The following PRIM2 variants were observed in gnomAD, a reference collection of about 807,000 sequenced individuals.
PRIM2 encodes DNA primase subunit 2.
A neutral mutation model predicts 67.3 loss-of-function variants in PRIM2; 39 were observed. That is an observed-to-expected ratio of 0.58 (90% CI 0.45 to 0.76). The LOEUF (loss-of-function observed/expected upper bound fraction) is 0.76, where lower values mean the gene tolerates loss of function less well. PRIM2 is among the 30% of genes least tolerant of loss of function. The pLI is 0.00. For synonymous variants in PRIM2, 143 were observed against 198.7 expected, an observed-to-expected ratio of 0.72 and a Z score of 2.36; for missense variants, 398 against 598.7, an observed-to-expected ratio of 0.66 and a Z score of 3.50.
At chr6:57,313,232 T>C (rs1767421077), upstream of PRIM2, among the ~76,000 whole-genome samples, 1 of 152,220 alleles carries the variant, frequency 6.6e-6, no homozygotes, top group Non-Finnish European at 1.5e-5. Context: ...AATTTCATTA[T>C]CTCCTTGAAA....
At chr6:57,324,123 C>T in intron 3 of PRIM2, 78 bp from the exon 4 acceptor site, 1 of 776,360 alleles carries the variant, frequency 1.3e-6, no homozygotes, top group African/African-American at 1.7e-5. Flanking sequence ...TTACCATTGG[C>T]TTAGGCTGGC....
rs543108787 is a variant in PRIM2 at position 57,447,442 on chromosome 6, A to G, written c.694-59945A>G. 8.5e-5 allele frequency among the ~76,000 whole-genome samples: 13 copies of G among 152,310 alleles called. No individual in the cohort carries two copies. In the South Asian group the frequency reaches 2.7e-3, roughly 32 times the overall value. ...GATCCTTCTGGTGCAAAGCTAAGAG[A>G]TGGGTATTAAGCTATTCCTGAAGAC... is the stretch of plus-strand genomic sequence containing the variant. On this transcript the variant is annotated intron_variant, in intron 7 of 13. Transcript: ENST00000615550.
intron 10 of PRIM2, among the ~76,000 whole-genome samples, chr6:57,538,016 G>GTT (rs1351821288): frequency 6.7e-4 from 99 of 147,378 alleles, no homozygotes; most frequent in East Asian, 5.0e-3. Flanking sequence ...ATAAACTTTT[G>GTT]TTTTTTTTTT....
intron 7 of PRIM2, among the ~76,000 whole-genome samples, chr6:57,385,733 T>C (rs887131810): frequency 1.3e-5 from 2 of 152,230 alleles, no homozygotes; most frequent in African/African-American, 4.8e-5. Context: ...TATCAGCAGT[T>C]ATTTTGTATC....
intron 7 of PRIM2, among the ~76,000 whole-genome samples, chr6:57,421,927 G>A (rs1301822591): frequency 6.6e-6 from 1 of 152,084 alleles, no homozygotes; most frequent in Non-Finnish European, 1.5e-5. Context: ...TAGAATAGAT[G>A]TAAGATACTA....
chr6:57,247,266 C>T, the PRIM2 span, among the ~76,000 whole-genome samples: 2 of 152,256 alleles, frequency 1.3e-5, no homozygotes, highest in South Asian at 2.1e-4. Context: ...GCCATAACAT[C>T]TAGGGGTGAC....
At chr6:57,372,481 C>T (rs1769597506) in intron 5 of PRIM2, among the ~76,000 whole-genome samples, 1 of 152,156 alleles carries the variant, frequency 6.6e-6, no homozygotes, top group Admixed American at 6.5e-5. Context: ...TTTCAGTCAT[C>T]ATCAACTTTT....
chr6:57,394,878 C>A lies in PRIM2; in HGVS notation c.693+12710C>A, dbSNP rs535641760. Among the ~76,000 whole-genome samples, 44 of 152,162 alleles carry A rather than the reference C, an allele frequency of 2.9e-4. No individual in the cohort carries two copies. The East Asian group carries it at 8.5e-3, about 29-fold the overall frequency. ...GGAGAGTTTTAATCATAAAGAGATGCTGAATTTTGTGGAATGCCTTTTCTG... is the reference window on the plus strand; with the variant it reads ...GGAGAGTTTTAATCATAAAGAGATGATGAATTTTGTGGAATGCCTTTTCTG... On this transcript the variant is annotated intron_variant, in intron 7 of 13. Transcript: ENST00000615550.
chr6:57,420,433 G>A lies in PRIM2; in HGVS notation c.693+38265G>A, dbSNP rs1771427180. Among the ~76,000 whole-genome samples, 3 of 152,262 alleles carry A rather than the reference G, an allele frequency of 2.0e-5. No individual in the cohort carries two copies. In the South Asian group the frequency reaches 6.2e-4, roughly 32 times the overall value. ...CAGGAGAATCCCTTGAACCCAGAAG[G>A]CGGAGGTTGCGGTGAGCTGAGATTG... On this transcript the variant is annotated intron_variant, in intron 7 of 13. Transcript: ENST00000615550.
Position 57,326,052 on chromosome 6 carries a change from A to G in PRIM2, c.459+7A>G, listed in dbSNP as rs749730988. The stretch of plus-strand genomic sequence containing the variant: ...CCAATTGCAGTTTGAGGCTGTAAGT[A>G]TATTTTTGTAGTTATTTCTAATTGT... On this transcript the variant is annotated splice_region_variant and intron_variant, in intron 5 of 13. Coordinates refer to ENST00000615550, the MANE Select transcript of PRIM2 (RefSeq NM_000947.5). The G allele has an allele frequency of 8.7e-6, 14 of 1,608,762 alleles. No individual in the cohort carries two copies. The highest frequency in any genetic ancestry group is 1.2e-5 in the Non-Finnish European group (14 of 1,178,292).
chr6:57,569,851 A>G (rs1485726095), intron 10 of PRIM2, among the ~76,000 whole-genome samples: 2 of 151,624 alleles, frequency 1.3e-5, no homozygotes, highest in East Asian at 1.9e-4. Context: ...GGTTCAGGCT[A>G]TTCTGCCTTA....
intron 5 of PRIM2, among the ~76,000 whole-genome samples, chr6:57,376,627 C>T (rs564587511): frequency 6.6e-6 from 1 of 152,116 alleles, no homozygotes; most frequent in Non-Finnish European, 1.5e-5. Flanking sequence ...TGTATTGAAT[C>T]TATAGGTTAA....
At chr6:57,450,691 G>A (rs1189990739) in intron 7 of PRIM2, among the ~76,000 whole-genome samples, 1 of 152,190 alleles carries the variant, frequency 6.6e-6, no homozygotes, top group African/African-American at 2.4e-5. Context: ...GCGATATGAA[G>A]CATGAATGCA....
At chr6:57,222,155 C>CT in the PRIM2 span, 1 of 152,254 alleles carries the variant, frequency 6.6e-6, no homozygotes, top group Admixed American at 6.5e-5. Context: ...TTCGCACCCT[C>CT]TTTCGCTCTC....
chr6:57,568,439 G>T (rs1775791850), intron 10 of PRIM2, among the ~76,000 whole-genome samples: 1 of 152,034 alleles, frequency 6.6e-6, no homozygotes, highest in South Asian at 2.1e-4. Context: ...AGGCTTCTGT[G>T]TCAATATTTT....
chr6:57,645,422 A>G (rs1723205419), intron 13 of PRIM2, among the ~76,000 whole-genome samples: 1 of 150,998 alleles, frequency 6.6e-6, no homozygotes, highest in African/African-American at 2.5e-5. Context: ...GTTTTGACGT[A>G]ATTGTCAACC....
Position 57,325,937 on chromosome 6 carries a change from A to T in PRIM2, c.351A>T (p.Arg117Ser), listed in dbSNP as rs1767835450. The T allele has an allele frequency of 6.2e-7, 1 of 1,601,502 alleles. No individual in the cohort carries two copies. Among genetic ancestry groups the T allele is most frequent in the African/African-American group, 1.3e-5 (1 of 74,702 alleles). ...RLAYCQSEEL[R>S]RWFIQQEMDL... Reference sequence around the variant, plus strand: ...GTCTTCATTTCAGTGAAGAACTTAGACGCTGGTTCATTCAACAAGAAATGG... The same window carrying T: ...GTCTTCATTTCAGTGAAGAACTTAGTCGCTGGTTCATTCAACAAGAAATGG... The change falls in exon 5 of 14, where the codon AGA (arginine) becomes AGT (serine). Residue 117 changes from arginine (R) to serine (S), a missense_variant. Coordinates refer to ENST00000615550, the MANE Select transcript of PRIM2 (RefSeq NM_000947.5).
upstream of PRIM2, among the ~76,000 whole-genome samples, chr6:57,316,771 G>C (rs79625770): frequency 0.05 from 7,608 of 152,332 alleles, 652 homozygotes; most frequent in African/African-American, 0.17. Context: ...CGCCCCGCTT[G>C]TGAGTCTGCA....
chr6:57,267,546 T>C, the PRIM2 span, among the ~76,000 whole-genome samples: 2 of 151,706 alleles, frequency 1.3e-5, no homozygotes, highest in Non-Finnish European at 2.9e-5. Context: ...ATGAAAAAAT[T>C]TGGGGAGCAT....
Sources: allele counts gnomAD v4.1 joint callset (sites outside exome capture counted in the v4.1 genomes callset), GRCh38; gene constraint gnomAD v4.1.1; transcripts MANE v1.5; gene names NCBI Gene and HGNC (gene_info 2026-07-23, HGNC 2026-07-21).